Variants in MAP2K3 observed in about 807,000 individuals in gnomAD.
MAP2K3 encodes dual specificity mitogen-activated protein kinase kinase 3.
In MAP2K3, 30 loss-of-function variants were observed where a neutral mutation model predicts 46.4. The observed-to-expected ratio is 0.65, with a 90% CI of 0.48 to 0.88. The LOEUF (loss-of-function observed/expected upper bound fraction) is 0.88. Among genes scored for constraint, MAP2K3 ranks in the 40% least tolerant of loss-of-function variants. MAP2K3 has a pLI of 0.00. For synonymous variants in MAP2K3, 189 were observed against 176.3 expected (o/e 1.07, Z -0.57); for missense variants, 380 against 464.5 (o/e 0.82, Z 1.67).
intron 7 of MAP2K3, 125 bp from the exon 8 acceptor site, chr17:21,304,301 C>T: frequency 6.4e-7 from 1 of 1,551,402 alleles, no homozygotes. Flanking sequence ...AACCTGCCCA[C>T]TGGGGCATGG....
chr17:21,310,832 G>T (rs1417513027), intron 9 of MAP2K3, among the ~76,000 whole-genome samples: 1 of 152,236 alleles, frequency 6.6e-6, no homozygotes, highest in Non-Finnish European at 1.5e-5. Flanking sequence ...GTGTCTGGAG[G>T]CTATTTTTGT....
Position 21,299,057 on chromosome 17 carries a change from C to T in MAP2K3, c.165+131C>T, listed in dbSNP as rs140598687. On this transcript the variant is annotated intron_variant, in intron 3 of 11. Coordinates refer to ENST00000342679, the MANE Select transcript of MAP2K3 (RefSeq NM_145109.3). Reference sequence around the variant, plus strand: ...AGGGTCAGGCTCTGGAGAAGAGCCTCGTCCTGCGCTGCTGGCTGTGTGGCC... The same window carrying T: ...AGGGTCAGGCTCTGGAGAAGAGCCTTGTCCTGCGCTGCTGGCTGTGTGGCC... 2.8e-3 allele frequency: 3,870 copies of T among 1,371,954 alleles called. No homozygotes were observed. In the East Asian group the frequency reaches 0.069, roughly 25 times the overall value. The allele number at this position is 1,371,954 out of a possible 1,614,324, so 85.0% of individuals were successfully genotyped here.
chr17:21,298,978 G>A (rs1229123133), intron 3 of MAP2K3, 52 bp downstream of exon 3: 4 of 1,612,936 alleles, frequency 2.5e-6, no homozygotes, highest in Admixed American at 3.3e-5. Flanking sequence ...CTGACGAGCG[G>A]GTAGAGCTGA....
intron 3 of MAP2K3, 29 bp downstream of exon 3, chr17:21,298,955 C>A (rs750273704): frequency 6.2e-7 from 1 of 1,613,432 alleles, no homozygotes; most frequent in East Asian, 2.2e-5. Flanking sequence ...CCCTGCAGGG[C>A]CTCTCACTTC....
chr17:21,291,594 T>C (rs1261067641), intron 1 of MAP2K3: 1 of 456,492 alleles, frequency 2.2e-6, no homozygotes, highest in South Asian at 1.5e-5. Context: ...GCATCACTTG[T>C]GGGTCCCCCT....
intron 10 of MAP2K3, 110 bp from the exon 11 acceptor site, chr17:21,313,382 A>C: frequency 1.2e-6 from 1 of 812,976 alleles, no homozygotes; most frequent in Non-Finnish European, 2.1e-6. Flanking sequence ...CCCTGGGTGC[A>C]CGTGTCCCCT....
intron 9 of MAP2K3, among the ~76,000 whole-genome samples, chr17:21,308,019 C>T (rs1319327383): frequency 6.6e-6 from 1 of 151,536 alleles, no homozygotes; most frequent in African/African-American, 2.4e-5. Context: ...CCACACCTGG[C>T]AAATTTTTGT....
rs113488837 is a variant in MAP2K3 at position 21,312,076 on chromosome 17, C to T, written c.775-66C>T. 1,919 of 1,433,574 alleles carry T rather than the reference C, an allele frequency of 1.3e-3. 3 individuals are homozygous for T. The highest frequency in any genetic ancestry group is 2.0e-3 in the Middle Eastern group (8 of 3,964). The allele number at this position is 1,433,574 out of a possible 1,614,324, so 88.8% of individuals were successfully genotyped here. ...AGGATGGGTGGGAGCCCCCAACCCT[C>T]GCTCCTGGGTGCAGAGCGTGGTTGT... On this transcript the variant is annotated intron_variant, in intron 9 of 11. Coordinates refer to ENST00000342679, the MANE Select transcript of MAP2K3 (RefSeq NM_145109.3).
chr17:21,300,108 A>G (rs1976506760), intron 3 of MAP2K3, among the ~76,000 whole-genome samples: 1 of 152,308 alleles, frequency 6.6e-6, no homozygotes, highest in African/African-American at 2.4e-5. Flanking sequence ...TGTCCCTCCC[A>G]AGAGAGGGAA....
chr17:21,296,956 A>G (rs1242419291), intron 1 of MAP2K3, among the ~76,000 whole-genome samples: 1 of 152,306 alleles, frequency 6.6e-6, no homozygotes, highest in African/African-American at 2.4e-5. Flanking sequence ...TGTTTCCTGA[A>G]GCCTCTGGGG....
chr17:21,284,930 C>T lies in MAP2K3; in HGVS notation c.10C>T (p.Pro4Ser), dbSNP rs968308259. ...AGGACCCACTTGCAGCATGGAGTCG[C>T]CCGCCTCGAGCCAGCCCGCCAGCAT... MES[P>S]ASSQPASMPQ... The change falls in exon 1 of 12, where the codon CCC becomes TCC. Residue 4 changes from proline to serine, a missense_variant. Transcript: ENST00000342679. 12 of 1,611,992 alleles carry T rather than the reference C, an allele frequency of 7.4e-6. No homozygotes were observed. Among genetic ancestry groups the T allele is most frequent in the Non-Finnish European group, 9.3e-6 (11 of 1,179,656 alleles).
Position 21,300,950 on chromosome 17 carries a change from A to T in MAP2K3, c.356A>T (p.Asp119Val), listed in dbSNP as rs373365578. 118 of 1,614,058 alleles carry T rather than the reference A, an allele frequency of 7.3e-5. No individual in the cohort carries two copies. In the African/African-American group the frequency reaches 1.3e-3, roughly 18 times the overall value. ...MDLDINMRTV[D>V]CFYTVTFYGA... is the part of the protein sequence containing the mutation. ...CTGGACATCAACATGCGCACGGTCG[A>T]CTGTTTCTACACTGTCACCTTCTAC... The change falls in exon 5 of 12, where the codon GAC becomes GTC. Residue 119 changes from aspartate to valine, a missense_variant. By Grantham distance (152) the Asp-to-Val change is radical. Around this residue, in one of 5 missense-constraint regions of MAP2K3, gnomAD observed 294 missense variants for 275.4 expected, o/e 1.07. Coordinates refer to ENST00000342679, the MANE Select transcript of MAP2K3 (RefSeq NM_145109.3).
intron 9 of MAP2K3, among the ~76,000 whole-genome samples, chr17:21,309,265 C>T (rs1023750077): frequency 3.9e-5 from 6 of 152,310 alleles, no homozygotes; most frequent in Non-Finnish European, 8.8e-5. Flanking sequence ...GGCACAGCAT[C>T]ACTTCTGCCT....
intron 1 of MAP2K3, among the ~76,000 whole-genome samples, chr17:21,290,566 G>A (rs1337100043): frequency 2.0e-5 from 3 of 152,306 alleles, no homozygotes; most frequent in Non-Finnish European, 4.4e-5. Flanking sequence ...AGTCCAGGGA[G>A]CCCCTAGGTA....
Position 21,297,522 on chromosome 17 carries a change from C to T in MAP2K3, c.50-891C>T, listed in dbSNP as rs549409920. ...TGATGGTGCCAGAGCACCAGGTGAC[C>T]CTGGCATCTCTGATCCTTGCTTCTC... is the stretch of plus-strand genomic sequence containing the variant. On this transcript the variant is annotated intron_variant, in intron 1 of 11. Transcript: ENST00000342679. Among the ~76,000 whole-genome samples, 39 of 152,408 alleles carry T rather than the reference C, an allele frequency of 2.6e-4. No homozygotes were observed. The East Asian group carries it at 7.5e-3, about 29-fold the overall frequency.
At chr17:21,287,998 T>G in intron 1 of MAP2K3, 1 of 1,286,048 alleles carries the variant, frequency 7.8e-7, no homozygotes. Flanking sequence ...CAGGAAACTC[T>G]CTGTCAGCCA....
chr17:21,305,554 C>T (rs768866257), intron 9 of MAP2K3, among the ~76,000 whole-genome samples: 2 of 151,748 alleles, frequency 1.3e-5, no homozygotes, highest in African/African-American at 4.8e-5. Flanking sequence ...TGGGCGGGCT[C>T]TCAATCCTGG....
chr17:21,302,324 C>T, intron 6 of MAP2K3, 65 bp downstream of exon 6: 3 of 1,506,166 alleles, frequency 2.0e-6, no homozygotes, highest in Non-Finnish European at 1.8e-6. Context: ...GCCCTGCCAG[C>T]AGGCATGGAG....
Position 21,288,204 on chromosome 17 carries a change from C to G in MAP2K3, c.49+3235C>G. 3 of 802,366 alleles carry G rather than the reference C, an allele frequency of 3.7e-6. No homozygotes were observed. The South Asian group carries it at 4.6e-5, about 12-fold the overall frequency. 49.7% of individuals were successfully genotyped at this position (802,366 alleles called of 1,614,324 possible). A position where few individuals can be genotyped will look rare whatever the true frequency, so the allele number is the denominator to read the frequency against. The stretch of plus-strand genomic sequence containing the variant: ...GGTGGGTGGGGAGGGGGTTACGTGT[C>G]CTGCAGGTGGCACCTAGCCCTGAGC... On this transcript the variant is annotated intron_variant, in intron 1 of 11. Transcript: ENST00000342679.
Sources: gnomAD v4.1 joint callset for allele counts (sites outside exome capture counted in the v4.1 genomes callset) on GRCh38, gnomAD v4.1.1 for gene constraint, gnomAD v4.1.1 regional missense constraint, MANE v1.5 for transcripts, NCBI Gene and HGNC (gene_info 2026-07-23, HGNC 2026-07-21) for gene names.